The following CHGA variants were observed in gnomAD, a reference collection of about 807,000 sequenced individuals.
CHGA encodes chromogranin A, also known as chromogranin-A.
Under a neutral mutation model 54.4 loss-of-function variants are expected in CHGA, and 41 were observed. The observed-to-expected ratio is 0.75, with a 90% CI of 0.59 to 0.98. CHGA has a LOEUF of 0.98. CHGA is among the 50% of genes least tolerant of loss of function. The pLI, the probability that CHGA is intolerant of heterozygous loss-of-function variation, is 0.00. For missense variants in CHGA, 576 were observed against 582.3 expected, an observed-to-expected ratio of 0.99 and a Z score of 0.11; for synonymous variants, 249 against 232.8, an observed-to-expected ratio of 1.07 and a Z score of -0.63.
chr14:92,926,800 T>C (rs1293730631), intron 3 of CHGA, 102 bp downstream of exon 3: 2 of 969,582 alleles, frequency 2.1e-6, no homozygotes, highest in African/African-American at 1.6e-5. Flanking sequence ...AACTCAACAG[T>C]CACTGACTGA....
At chr14:92,926,517 G>A (rs747252209) in intron 2 of CHGA, 88 bp from the exon 3 acceptor site, 5 of 1,064,740 alleles carry the variant, frequency 4.7e-6, no homozygotes, top group South Asian at 1.3e-5. Context: ...AATACCCTCT[G>A]TCCTCACTAG....
At position 92,923,159 on chromosome 14, in the gene CHGA, C is replaced by T; in HGVS notation, c.-201C>T. 1 of 371,890 alleles carries T rather than the reference C, an allele frequency of 2.7e-6. No individual in the cohort carries two copies. Among genetic ancestry groups the T allele is most frequent in the Non-Finnish European group, 4.6e-6 (1 of 215,824 alleles). 23.0% of individuals were successfully genotyped at this position (371,890 alleles called of 1,614,324 possible). ...CGAGGGCGCTGCTGCTGCCACCGCT[C>T]CTGCCACTGCAGTGCTCGAGCCCCG... On this transcript the variant is annotated 5_prime_UTR_variant, in exon 1 of 8. Coordinates refer to ENST00000216492, the MANE Select transcript of CHGA (RefSeq NM_001275.4).
At position 92,932,303 on chromosome 14, in the gene CHGA, G is replaced by T; in HGVS notation, c.809-67G>T. On this transcript the variant is annotated intron_variant, in intron 6 of 7. Transcript: ENST00000216492. The surrounding 1 kb of genome is among the most constrained non-coding windows in gnomAD (Gnocchi z 5.3). ...TGGCCGCAGCAGAGGCCCCCAGGGA[G>T]TGGCAGAGACTGGGAAAATGGTGGT... is the stretch of plus-strand genomic sequence containing the variant. 2 of 1,493,332 alleles carry T rather than the reference G, an allele frequency of 1.3e-6. No homozygotes were observed. The highest frequency in any genetic ancestry group is 1.8e-6 in the Non-Finnish European group (2 of 1,118,672). The allele number at this position is 1,493,332 out of a possible 1,614,324, so 92.5% of individuals were successfully genotyped here. A position where few individuals can be genotyped will look rare whatever the true frequency, so the allele number is the denominator to read the frequency against.
intron 7 of CHGA, 52 bp from the exon 8 acceptor site, chr14:92,934,749 C>A: frequency 6.9e-7 from 1 of 1,439,568 alleles, no homozygotes; most frequent in Non-Finnish European, 9.5e-7. Context: ...CTTACTGTGC[C>A]TTCCATGCCA....
chr14:92,932,337 C>A lies in CHGA; in HGVS notation c.809-33C>A. 5.2e-6 allele frequency: 8 copies of A among 1,541,272 alleles called. No individual in the cohort carries two copies. The highest frequency in any genetic ancestry group is 6.1e-6 in the Non-Finnish European group (7 of 1,142,024). On this transcript the variant is annotated intron_variant, in intron 6 of 7. Coordinates refer to ENST00000216492, the MANE Select transcript of CHGA (RefSeq NM_001275.4). The surrounding 1 kb of genome is among the most constrained non-coding windows in gnomAD (Gnocchi z 5.3). The stretch of plus-strand genomic sequence containing the variant: ...ACTGGGAAAATGGTGGTCCCCCACC[C>A]ATTCTCCTGCTCTTGCCCACCACCT...
At chr14:92,923,091 A>C, upstream of CHGA, 3 of 297,764 alleles carry the variant, frequency 1.0e-5, no homozygotes, top group Non-Finnish European at 1.9e-5. Context: ...AGGGGGCGGC[A>C]CCGCTGACGT....
At chr14:92,929,932 C>T in intron 5 of CHGA, 117 bp downstream of exon 5, 3 of 754,586 alleles carry the variant, frequency 4.0e-6, no homozygotes, top group East Asian at 2.7e-5. Context: ...CCCTTATTTC[C>T]CTCTCTCTAC....
At chr14:92,929,900 A>G in intron 5 of CHGA, 85 bp downstream of exon 5, 1 of 1,037,608 alleles carries the variant, frequency 9.6e-7, no homozygotes. Flanking sequence ...GGTTCCAGTG[A>G]GTCGGGAGCC....
intron 5 of CHGA, among the ~76,000 whole-genome samples, 182 bp from the exon 6 acceptor site, chr14:92,931,068 A>G (rs1205869829): frequency 1.3e-5 from 2 of 152,272 alleles, no homozygotes; most frequent in Non-Finnish European, 2.9e-5. Flanking sequence ...AAAGAAAGAA[A>G]CAAATCCAGC....
intron 3 of CHGA, 98 bp from the exon 4 acceptor site, chr14:92,927,452 C>A: frequency 1.0e-6 from 1 of 990,992 alleles, no homozygotes; most frequent in Non-Finnish European, 1.5e-6. Flanking sequence ...TTTTGAGTTT[C>A]CAGAGTAAAT....
rs1409522544 is a variant in CHGA, at chr14:92,926,558, C to T, written c.94-47C>T. On this transcript the variant is annotated intron_variant, in intron 2 of 7. Coordinates refer to ENST00000216492, the MANE Select transcript of CHGA (RefSeq NM_001275.4). ...CACCCTAGAGCCTCCAGGGACTGAG[C>T]CCCATGCTCAAACCAGCCCCAACCT... is the stretch of plus-strand genomic sequence containing the variant. The T allele has an allele frequency of 2.0e-6, 3 of 1,515,424 alleles. No homozygotes were observed. The South Asian group carries it at 3.4e-5, about 17-fold the overall frequency. 93.9% of individuals were successfully genotyped at this position (1,515,424 alleles called of 1,614,324 possible). A position where few individuals can be genotyped will look rare whatever the true frequency, so the allele number is the denominator to read the frequency against.
At chr14:92,933,061 G>C (rs1887046217) in intron 7 of CHGA, 4 of 663,774 alleles carry the variant, frequency 6.0e-6, no homozygotes, top group African/African-American at 1.8e-5. Flanking sequence ...GAGATGGGAG[G>C]AGCTCAGGTC....
intron 4 of CHGA, among the ~76,000 whole-genome samples, chr14:92,928,971 A>C (rs1030470950): frequency 6.6e-6 from 1 of 152,192 alleles, no homozygotes; most frequent in Non-Finnish European, 1.5e-5. Context: ...GGGGACTGGA[A>C]CCCACGTTGC....
rs530295511 is a variant in CHGA, at chr14:92,933,085, G to A, written c.1290+234G>A. ...GGAGCTCAGGTCAGCCTGTGGCAGC[G>A]GGGGAGGCGCTGAGTGGGGACGTTG... On this transcript the variant is annotated intron_variant, in intron 7 of 7. Coordinates refer to ENST00000216492, the MANE Select transcript of CHGA (RefSeq NM_001275.4). 2.1e-4 allele frequency: 113 copies of A among 532,874 alleles called. 1 individual carries two copies. The highest frequency in any genetic ancestry group is 5.5e-4 in the Admixed American group (15 of 27,204). The allele number at this position is 532,874 out of a possible 1,614,324, so 33.0% of individuals were successfully genotyped here. A position where few individuals can be genotyped will look rare whatever the true frequency, so the allele number is the denominator to read the frequency against.
At position 92,924,261 on chromosome 14, in the gene CHGA, G is replaced by A. The variant is rs906288049; in HGVS notation, c.93+16G>A. 1.9e-6 allele frequency: 3 copies of A among 1,609,944 alleles called. No individual in the cohort carries two copies. Among genetic ancestry groups the A allele is most frequent in the Non-Finnish European group, 2.5e-6 (3 of 1,178,744 alleles). ...GGATACCGAGGTAAGAAGGGGTGCT[G>A]GGGATGAGGGGTAGGAGGCTCCAGT... On this transcript the variant is annotated intron_variant, in intron 2 of 7. Transcript: ENST00000216492.
At chr14:92,933,877 G>A (rs1425706846) in intron 7 of CHGA, among the ~76,000 whole-genome samples, 4 of 152,176 alleles carry the variant, frequency 2.6e-5, no homozygotes, top group East Asian at 1.9e-4. Flanking sequence ...TGGACCGCAG[G>A]GCAGAGAAAC....
Position 92,932,953 on chromosome 14 carries a change from C to T in CHGA, c.1290+102C>T, listed in dbSNP as rs1595062871. ...CTGCCCCACTGAGGGGACAGGGCCC[C>T]CCCGCCGAAGTCTGGGGATGGAGAG... On this transcript the variant is annotated intron_variant, in intron 7 of 7. Transcript: ENST00000216492. This position sits in a 1 kb window ranked among gnomAD's most constrained non-coding sequence, Gnocchi z 5.3. The T allele has an allele frequency of 7.1e-7, 1 of 1,418,394 alleles. No individual in the cohort carries two copies. Among genetic ancestry groups the T allele is most frequent in the Non-Finnish European group, 9.3e-7 (1 of 1,078,492 alleles). 87.9% of individuals were successfully genotyped at this position (1,418,394 alleles called of 1,614,324 possible). A position where few individuals can be genotyped will look rare whatever the true frequency, so the allele number is the denominator to read the frequency against.
intron 7 of CHGA, among the ~76,000 whole-genome samples, chr14:92,934,558 T>C (rs1012157177): frequency 1.3e-5 from 2 of 152,188 alleles, no homozygotes; most frequent in Non-Finnish European, 2.9e-5. Context: ...AAGTGGGGCC[T>C]GGATAAGAGG....
rs1168736138 is a variant in CHGA at position 92,932,949 on chromosome 14, G to C, written c.1290+98G>C. 1.4e-6 allele frequency: 2 copies of C among 1,425,948 alleles called. No individual in the cohort carries two copies. Among genetic ancestry groups the C allele is most frequent in the Non-Finnish European group, 1.8e-6 (2 of 1,084,362 alleles). The allele number at this position is 1,425,948 out of a possible 1,614,324, so 88.3% of individuals were successfully genotyped here. Reference sequence around the variant, plus strand: ...GCCCCTGCCCCACTGAGGGGACAGGGCCCCCCCGCCGAAGTCTGGGGATGG... The same window carrying C: ...GCCCCTGCCCCACTGAGGGGACAGGCCCCCCCCGCCGAAGTCTGGGGATGG... On this transcript the variant is annotated intron_variant, in intron 7 of 7. Coordinates refer to ENST00000216492, the MANE Select transcript of CHGA (RefSeq NM_001275.4). The surrounding 1 kb of genome is among the most constrained non-coding windows in gnomAD (Gnocchi z 5.3).
Sources: allele counts gnomAD v4.1 joint callset (sites outside exome capture counted in the v4.1 genomes callset), GRCh38; gene constraint gnomAD v4.1.1; non-coding constraint Gnocchi (gnomAD v3.1); transcripts MANE v1.5; gene names NCBI Gene and HGNC (gene_info 2026-07-23, HGNC 2026-07-21).